The following DNAH9 variants were observed in gnomAD, a reference collection of about 807,000 sequenced individuals.
DNAH9 encodes dynein axonemal heavy chain 9.
Under a neutral mutation model 471.6 loss-of-function variants are expected in DNAH9, and 345 were observed. That is an observed-to-expected ratio of 0.73 (90% confidence interval 0.67 to 0.80). The LOEUF is 0.80. DNAH9 is among the 30% of genes least tolerant of loss of function. The probability of loss-of-function intolerance (pLI) is 0.00; values close to 1 mark genes in which losing one functional copy is unlikely to be tolerated. For missense variants in DNAH9, 5,407 were observed against 5,609.2 expected (o/e 0.96, Z 1.15); for synonymous variants, 2,093 against 2,123.6 (o/e 0.99, Z 0.40).
intron 26 of DNAH9, among the ~76,000 whole-genome samples, chr17:11,717,395 A>G (rs1301512441): frequency 6.6e-6 from 1 of 152,076 alleles, no homozygotes; most frequent in Non-Finnish European, 1.5e-5. Context: ...GGAAAAAAAA[A>G]AAAACATTTC....
chr17:11,650,282 G>C (rs935316359), intron 12 of DNAH9, among the ~76,000 whole-genome samples: 25 of 152,122 alleles, frequency 1.6e-4, no homozygotes, highest in African/African-American at 6.0e-4. Flanking sequence ...GGGGCCATCT[G>C]TTCATCACTT....
At chr17:11,954,944 T>G (rs536200976) in intron 67 of DNAH9, among the ~76,000 whole-genome samples, 2 of 152,134 alleles carry the variant, frequency 1.3e-5, no homozygotes, top group African/African-American at 4.8e-5. Flanking sequence ...ATAGACTGTT[T>G]AAAACAAAAA....
intron 6 of DNAH9, among the ~76,000 whole-genome samples, chr17:11,624,265 T>G (rs2072929215): frequency 2.0e-5 from 3 of 152,200 alleles, no homozygotes; most frequent in Admixed American, 2.0e-4. Flanking sequence ...TCCCAACACT[T>G]TGGGAGGCCG....
intron 7 of DNAH9, among the ~76,000 whole-genome samples, chr17:11,631,822 T>A (rs1478070634): frequency 6.6e-6 from 1 of 151,770 alleles, no homozygotes; most frequent in African/African-American, 2.4e-5. Context: ...TTCATACCCT[T>A]TTTTTTTCAC....
intron 50 of DNAH9, among the ~76,000 whole-genome samples, chr17:11,856,495 C>G (rs534305351): frequency 6.7e-6 from 1 of 149,910 alleles, no homozygotes; most frequent in East Asian, 2.0e-4. Flanking sequence ...GCCGGGAGAT[C>G]GAGACCATCC....
At chr17:11,728,230 G>T (rs2075191328) in intron 28 of DNAH9, among the ~76,000 whole-genome samples, 1 of 152,180 alleles carries the variant, frequency 6.6e-6, no homozygotes, top group African/African-American at 2.4e-5. Context: ...AGATGGCAGA[G>T]CTCAGCTCCT....
At chr17:11,798,042 C>T (rs948838293) in intron 43 of DNAH9, among the ~76,000 whole-genome samples, 2 of 152,080 alleles carry the variant, frequency 1.3e-5, no homozygotes, top group African/African-American at 2.4e-5. Context: ...CGGGCATAAT[C>T]ACAGTGACAG....
chr17:11,833,977 T>C (rs1970754016), intron 48 of DNAH9, among the ~76,000 whole-genome samples: 1 of 152,136 alleles, frequency 6.6e-6, no homozygotes, highest in South Asian at 2.1e-4. Flanking sequence ...ACATGAAGCT[T>C]TATAAGCAAT....
chr17:11,776,353 CAA>C (rs78587925), intron 38 of DNAH9, among the ~76,000 whole-genome samples: 20,446 of 112,466 alleles, frequency 0.18, 1,455 homozygotes, highest in African/African-American at 0.19. Flanking sequence ...CATCTGCATT[CAA>C]AAAAAAAAAA....
intron 27 of DNAH9, among the ~76,000 whole-genome samples, chr17:11,726,466 G>A (rs531106132): frequency 3.9e-5 from 6 of 152,240 alleles, no homozygotes; most frequent in East Asian, 1.9e-4. Flanking sequence ...CCCTTTCTTC[G>A]AAGAGCATCT....
rs746587685 is a variant in DNAH9, at chr17:11,871,794, T to C, written c.10242+8T>C. On this transcript the variant is annotated splice_region_variant and intron_variant, in intron 52 of 68. Transcript: ENST00000262442. Reference sequence around the variant, plus strand: ...TACCTGAGCCAGCTGAAAGTACGTATGGCCTGAATTTCTCCCGACCACATC... The same window carrying C: ...TACCTGAGCCAGCTGAAAGTACGTACGGCCTGAATTTCTCCCGACCACATC... 4.3e-6 allele frequency: 7 copies of C among 1,613,078 alleles called. No individual in the cohort carries two copies. Among genetic ancestry groups the C allele is most frequent in the Admixed American group, 1.7e-5 (1 of 59,910 alleles).
intron 59 of DNAH9, among the ~76,000 whole-genome samples, chr17:11,898,157 G>A (rs1274143236): frequency 1.3e-5 from 2 of 148,820 alleles, no homozygotes; most frequent in Non-Finnish European, 3.0e-5. Flanking sequence ...GCGGAGTCTC[G>A]CTGTGTCGCC....
intron 49 of DNAH9, among the ~76,000 whole-genome samples, chr17:11,836,018 G>A (rs181934199): frequency 2.6e-4 from 40 of 152,298 alleles, no homozygotes; most frequent in African/African-American, 9.1e-4. Flanking sequence ...CAAACTTCAG[G>A]AGAAACATAT....
intron 38 of DNAH9, among the ~76,000 whole-genome samples, chr17:11,774,988 C>T (rs1408340909): frequency 6.6e-6 from 1 of 152,112 alleles, no homozygotes; most frequent in Non-Finnish European, 1.5e-5. Context: ...CACCTCCAAA[C>T]GTTTCCTCAC....
chr17:11,647,591 T>G (rs1005632891), intron 12 of DNAH9, among the ~76,000 whole-genome samples: 6 of 152,196 alleles, frequency 3.9e-5, no homozygotes, highest in African/African-American at 1.4e-4. Context: ...ACCAATCATT[T>G]GGTAACAAAC....
intron 28 of DNAH9, among the ~76,000 whole-genome samples, chr17:11,731,549 C>T (rs1210987682): frequency 8.9e-6 from 1 of 112,384 alleles, no homozygotes; most frequent in East Asian, 3.2e-4. Context: ...TCCCTCCCCC[C>T]TCCCCCCACC....
At chr17:11,820,471 G>C (rs1185678612) in intron 45 of DNAH9, among the ~76,000 whole-genome samples, 1 of 151,894 alleles carries the variant, frequency 6.6e-6, no homozygotes, top group Non-Finnish European at 1.5e-5. Flanking sequence ...GACTGTCCTT[G>C]TTCGTTAACC....
intron 26 of DNAH9, among the ~76,000 whole-genome samples, chr17:11,705,692 AGT>A (rs1165701876): frequency 6.6e-6 from 1 of 152,180 alleles, no homozygotes; most frequent in African/African-American, 2.4e-5. Context: ...AGCTAGCAAC[AGT>A]GTATTGTATA....
intron 49 of DNAH9, among the ~76,000 whole-genome samples, chr17:11,849,831 G>A (rs1971352902): frequency 6.6e-6 from 1 of 152,120 alleles, no homozygotes; most frequent in Non-Finnish European, 1.5e-5. Flanking sequence ...TGCCTTTCTT[G>A]TATCCCCGTC....
Sources: gnomAD v4.1 joint callset for allele counts (sites outside exome capture counted in the v4.1 genomes callset) on GRCh38, gnomAD v4.1.1 for gene constraint, MANE v1.5 for transcripts, NCBI Gene and HGNC (gene_info 2026-07-23, HGNC 2026-07-21) for gene names.